Variants in HACD4 observed in about 807,000 individuals in gnomAD.
HACD4 encodes very-long-chain (3R)-3-hydroxyacyl-CoA dehydratase 4.
A neutral mutation model predicts 33.3 loss-of-function variants in HACD4; 35 were observed. The observed-to-expected ratio is 1.05, with a 90% CI of 0.80 to 1.39. The LOEUF (loss-of-function observed/expected upper bound fraction) is 1.39. Among genes scored for constraint, HACD4 ranks in the 40% most tolerant of loss-of-function variants. The probability of loss-of-function intolerance (pLI) is 0.00; values close to 1 mark genes in which losing one functional copy is unlikely to be tolerated. For synonymous variants in HACD4, 118 were observed against 98.0 expected (o/e 1.20, Z -1.21); for missense variants, 323 against 276.5 (o/e 1.17, Z -1.19).
chr9:21,029,306 GA>G lies in HACD4; in HGVS notation c.130del (p.Ser44HisfsTer17). The G allele has an allele frequency of 6.4e-7, 1 of 1,571,110 alleles. No homozygotes were observed. Among genetic ancestry groups the G allele is most frequent in the South Asian group, 1.1e-5 (1 of 87,110 alleles). On this transcript the variant is annotated frameshift_variant, in exon 2 of 7. Coordinates refer to ENST00000495827, the MANE Select transcript of HACD4 (RefSeq NM_001010915.5). LOFTEE classifies it high-confidence loss of function. Reference sequence around the variant, plus strand: ...TTTCGGAGTTTTACCTTTTCCAAATGAAAAGAATCTGACTGTCATATTTGTA... The same window carrying G: ...TTTCGGAGTTTTACCTTTTCCAAATGAAAGAATCTGACTGTCATATTTGTA... ...IFTNMTVRFF[S>X]FGKDSMVDTF...
Position 21,031,556 on chromosome 9 carries a change from G to T in HACD4, c.35C>A (p.Pro12His), listed in dbSNP as rs2132811242. 6.9e-7 allele frequency: 1 copy of T among 1,458,902 alleles called. No individual in the cohort carries two copies. The highest frequency in any genetic ancestry group is 3.0e-5 in the East Asian group (1 of 33,466). The allele number at this position is 1,458,902 out of a possible 1,614,324, so 90.4% of individuals were successfully genotyped here. ...GPLALPAWLQ[P>H]RYRKNAYLFI... is the part of the protein sequence containing the mutation. ...GGGATTCGGCCGAGCGCCCTACCTG[G>T]GCTGCAGCCAGGCGGGCAGCGCCAA... Residue 12 changes from proline to histidine, a missense_variant, in exon 1 of 7, where the codon CCC (proline) becomes CAC (histidine). Pro to His is a moderately conservative substitution (Grantham distance 77). Coordinates refer to ENST00000495827, the MANE Select transcript of HACD4 (RefSeq NM_001010915.5).
rs920239507 is a variant in HACD4, at chr9:21,002,195, T to G, written c.*4842A>C. 6.6e-6 allele frequency: 1 copy of G among 152,014 alleles called. No homozygotes were observed. Among genetic ancestry groups the G allele is most frequent in the African/African-American group, 2.4e-5 (1 of 41,402 alleles). The allele number at this position is 152,014 out of a possible 1,614,324, so 9.4% of individuals were successfully genotyped here. A position where few individuals can be genotyped will look rare whatever the true frequency, so the allele number is the denominator to read the frequency against. On this transcript the variant is annotated 3_prime_UTR_variant, in exon 7 of 7. Coordinates refer to ENST00000495827, the MANE Select transcript of HACD4 (RefSeq NM_001010915.5). ...CCGGATATTAAATGTCACCCTATGG[T>G]AACCACAAAGAAAACAGCTACAGAA... is the stretch of plus-strand genomic sequence containing the variant.
chr9:21,011,499 A>G (rs974656120), intron 5 of HACD4, 90 bp downstream of exon 5: 1 of 787,534 alleles, frequency 1.3e-6, no homozygotes, highest in African/African-American at 1.7e-5. Flanking sequence ...ATTCGCAAAA[A>G]TAGTAATTTA....
At chr9:21,026,507 T>A in intron 3 of HACD4, 89 bp downstream of exon 3, 1 of 1,110,750 alleles carries the variant, frequency 9.0e-7, no homozygotes, top group Non-Finnish European at 1.3e-6. Flanking sequence ...AGGGTTGGCT[T>A]TCTAACTGCC....
rs374501864 is a variant in HACD4, at chr9:21,011,656, A to G, written c.423T>C (p.Tyr141=). The change falls in exon 5 of 7, where the codon TAT becomes TAC. Residue 141 remains tyrosine (Y), a synonymous_variant. Transcript: ENST00000495827. ...YSMLSVIGIS[Y]AVLTWLSQTL... ...TTTGACTGAGCCATGTCAAGACAGC[A>G]TAGGATATTCCTATGACTGATAACA... 6.2e-6 allele frequency: 10 copies of G among 1,610,542 alleles called. No individual in the cohort carries two copies. Among genetic ancestry groups the G allele is most frequent in the South Asian group, 1.1e-5 (1 of 90,928 alleles).
At position 21,006,230 on chromosome 9, in the gene HACD4, G is replaced by A. The variant is rs928720230; in HGVS notation, c.*807C>T. ...TGGTATTTGGAGGTGGGGCCATTGG[G>A]AGGTAATTAGATCATGAGGGTAGAG... is the stretch of plus-strand genomic sequence containing the variant. On this transcript the variant is annotated 3_prime_UTR_variant, in exon 7 of 7. Coordinates refer to ENST00000495827, the MANE Select transcript of HACD4 (RefSeq NM_001010915.5). This position sits in a 1 kb window ranked among gnomAD's most constrained non-coding sequence, Gnocchi z 4.6. The A allele has an allele frequency of 6.6e-6, 1 of 152,102 alleles. No individual in the cohort carries two copies. Among genetic ancestry groups the A allele is most frequent in the Non-Finnish European group, 1.5e-5 (1 of 68,040 alleles). The allele number at this position is 152,102 out of a possible 1,614,324, so 9.4% of individuals were successfully genotyped here.
chr9:21,007,973 C>A (rs771861026), intron 6 of HACD4, 48 bp downstream of exon 6: 2 of 1,539,280 alleles, frequency 1.3e-6, no homozygotes, highest in Admixed American at 4.0e-5. Context: ...AAGCACTAAC[C>A]AAAAAGTACA....
intron 3 of HACD4, among the ~76,000 whole-genome samples, chr9:21,021,811 A>G (rs910018411): frequency 2.0e-5 from 3 of 152,196 alleles, no homozygotes; most frequent in Non-Finnish European, 4.4e-5. Flanking sequence ...TGCCCAAGGT[A>G]ATTTATAGAT....
intron 4 of HACD4, among the ~76,000 whole-genome samples, chr9:21,014,847 G>C (rs1448763570): frequency 6.6e-6 from 1 of 152,148 alleles, no homozygotes; most frequent in Non-Finnish European, 1.5e-5. Flanking sequence ...TCCTATGACA[G>C]CATGCTACTT....
Position 21,022,918 on chromosome 9 carries a change from C to T in HACD4, c.270+3678G>A, listed in dbSNP as rs1349714983. On this transcript the variant is annotated intron_variant, in intron 3 of 6. Coordinates refer to ENST00000495827, the MANE Select transcript of HACD4 (RefSeq NM_001010915.5). Reference sequence around the variant, plus strand: ...ATGCTGCTATAAAGACACATGCACACGTATGTTTATTGCGGCACTATTCAC... The same window carrying T: ...ATGCTGCTATAAAGACACATGCACATGTATGTTTATTGCGGCACTATTCAC... Among the ~76,000 whole-genome samples the T allele has an allele frequency of 4.0e-5, 6 of 151,872 alleles. 1 individual carries two copies. Among genetic ancestry groups the T allele is most frequent in the South Asian group, 4.2e-4 (2 of 4,804 alleles).
At position 21,006,292 on chromosome 9, in the gene HACD4, TAA is replaced by T. The variant is rs909414359; in HGVS notation, c.*743_*744del. On this transcript the variant is annotated 3_prime_UTR_variant, in exon 7 of 7. Coordinates refer to ENST00000495827, the MANE Select transcript of HACD4 (RefSeq NM_001010915.5). The surrounding 1 kb of genome is among the most constrained non-coding windows in gnomAD (Gnocchi z 4.6). ...GGGGTTAGTGCCATTATAAGAGACATAAGAGAGTTGATCTCTCTCTCATGTGA... is the reference window on the plus strand; with the variant it reads ...GGGGTTAGTGCCATTATAAGAGACATGAGAGTTGATCTCTCTCTCATGTGA... 2.6e-5 allele frequency: 4 copies of T among 152,304 alleles called. No individual in the cohort carries two copies. The highest frequency in any genetic ancestry group is 1.3e-4 in the Admixed American group (2 of 15,282). 9.4% of individuals were successfully genotyped at this position (152,304 alleles called of 1,614,324 possible).
Position 21,005,096 on chromosome 9 carries a change from A to C in HACD4, c.*1941T>G, listed in dbSNP as rs1175520332. 2 of 152,190 alleles carry C rather than the reference A, an allele frequency of 1.3e-5. No individual in the cohort carries two copies. Among genetic ancestry groups the C allele is most frequent in the Non-Finnish European group, 2.9e-5 (2 of 68,034 alleles). The allele number at this position is 152,190 out of a possible 1,614,324, so 9.4% of individuals were successfully genotyped here. On this transcript the variant is annotated 3_prime_UTR_variant, in exon 7 of 7. Transcript: ENST00000495827. The surrounding 1 kb of genome is among the most constrained non-coding windows in gnomAD (Gnocchi z 4.0). Reference sequence around the variant, plus strand: ...AACCTGTTATGGGAAACTGGAAGAAAGGTGATCTTTGTTATAATATGCCAA... The same window carrying C: ...AACCTGTTATGGGAAACTGGAAGAACGGTGATCTTTGTTATAATATGCCAA...
Position 21,010,051 on chromosome 9 carries a change from G to A in HACD4, c.490+1538C>T, listed in dbSNP as rs192137232. Among the ~76,000 whole-genome samples, 24 of 152,290 alleles carry A rather than the reference G, an allele frequency of 1.6e-4. No individual in the cohort carries two copies. In the South Asian group the frequency reaches 2.9e-3, roughly 18 times the overall value. Reference sequence around the variant, plus strand: ...AGCTCTTTTTATCTGCTCATCAGTAGATAGAAAATATGTGTTTTTGTTTTA... The same window carrying A: ...AGCTCTTTTTATCTGCTCATCAGTAAATAGAAAATATGTGTTTTTGTTTTA... On this transcript the variant is annotated intron_variant, in intron 5 of 6. Coordinates refer to ENST00000495827, the MANE Select transcript of HACD4 (RefSeq NM_001010915.5).
chr9:21,009,174 G>T (rs1447195057), intron 5 of HACD4, among the ~76,000 whole-genome samples: 3 of 152,134 alleles, frequency 2.0e-5, no homozygotes, highest in Non-Finnish European at 2.9e-5. Context: ...CGAAAGTTTA[G>T]TAGGTTTATT....
intron 5 of HACD4, among the ~76,000 whole-genome samples, chr9:21,011,132 C>CAAG (rs1842417597): frequency 6.6e-6 from 1 of 152,130 alleles, no homozygotes; most frequent in African/African-American, 2.4e-5. Context: ...CAGGGAATGC[C>CAAG]TCCCTCAGAA....
chr9:21,030,468 AAACAAC>A (rs930915161), intron 1 of HACD4, among the ~76,000 whole-genome samples: 3 of 152,030 alleles, frequency 2.0e-5, no homozygotes, highest in Non-Finnish European at 4.4e-5. Flanking sequence ...ATAAAAAACA[AAACAAC>A]AACAACAACA....
chr9:21,031,119 C>T (rs568325946), intron 1 of HACD4, among the ~76,000 whole-genome samples: 70 of 152,262 alleles, frequency 4.6e-4, no homozygotes, highest in South Asian at 1.9e-3. Flanking sequence ...TATACACCCC[C>T]AGGCCCTACC....
chr9:21,007,925 CT>C, intron 6 of HACD4, 95 bp downstream of exon 6: 1 of 1,147,918 alleles, frequency 8.7e-7, no homozygotes, highest in South Asian at 2.0e-5. Flanking sequence ...TCTTTGGTCT[CT>C]CCCATGTTTA....
intron 3 of HACD4, among the ~76,000 whole-genome samples, chr9:21,019,970 G>C (rs1345818827): frequency 2.0e-5 from 3 of 151,996 alleles, no homozygotes; most frequent in South Asian, 2.1e-4. Flanking sequence ...GAATTCCTTT[G>C]GGAATTCCTT....
Sources: gnomAD v4.1 joint callset for allele counts (sites outside exome capture counted in the v4.1 genomes callset) on GRCh38, gnomAD v4.1.1 for gene constraint, Gnocchi (gnomAD v3.1) non-coding constraint, MANE v1.5 for transcripts, NCBI Gene and HGNC (gene_info 2026-07-23, HGNC 2026-07-21) for gene names.